ADAMTS17: variants seen among roughly 807,000 people sequenced by gnomAD.
ADAMTS17 encodes A disintegrin and metalloproteinase with thrombospondin motifs 17.
ADAMTS17 carries 113 observed loss-of-function variants against 141.5 expected under a neutral mutation model. That is an observed-to-expected ratio of 0.80 (90% CI 0.69 to 0.93). ADAMTS17 has a LOEUF of 0.93. Among genes scored for constraint, ADAMTS17 ranks in the 40% least tolerant of loss-of-function variants. The pLI is 0.00. For synonymous variants in ADAMTS17, 768 were observed against 630.6 expected (o/e 1.22, Z -3.27); for missense variants, 1,659 against 1,517.9 (o/e 1.09, Z -1.54).
chr15:100,326,169 T>C (rs1433893333), intron 3 of ADAMTS17, among the ~76,000 whole-genome samples: 2 of 152,176 alleles, frequency 1.3e-5, no homozygotes, highest in African/African-American at 4.8e-5. Context: ...TCTTAAACTA[T>C]TGATGTCTAC....
At chr15:100,244,662 T>C (rs1390371403) in intron 7 of ADAMTS17, among the ~76,000 whole-genome samples, 1 of 152,062 alleles carries the variant, frequency 6.6e-6, no homozygotes, top group Non-Finnish European at 1.5e-5. Flanking sequence ...CTGCAGGTGG[T>C]AAACAGGACC....
At position 99,972,056 on chromosome 15, in the gene ADAMTS17, C is replaced by T. The variant is rs999411534; in HGVS notation, c.*2346G>A. ...CATGAGGTCAGGAGATCGAGACCAT[C>T]CTGGCTAACATGGTGAAACCCCGTC... On this transcript the variant is annotated 3_prime_UTR_variant, in exon 22 of 22. Transcript: ENST00000268070. 4 of 152,350 alleles carry T rather than the reference C, an allele frequency of 2.6e-5. No homozygotes were observed. Among genetic ancestry groups the T allele is most frequent in the African/African-American group, 9.6e-5 (4 of 41,536 alleles). 9.4% of individuals were successfully genotyped at this position (152,350 alleles called of 1,614,324 possible).
chr15:99,987,237 C>T (rs146801732), intron 20 of ADAMTS17, among the ~76,000 whole-genome samples: 272 of 152,324 alleles, frequency 1.8e-3, no homozygotes, highest in African/African-American at 6.0e-3. Context: ...ATGGGGATAT[C>T]GAAGCTTCCA....
At position 100,110,466 on chromosome 15, in the gene ADAMTS17, G is replaced by A. The variant is rs112480318; in HGVS notation, c.1889-1350C>T. Reference sequence around the variant, plus strand: ...TTTTCAGTAGAGACACCGTTTCACCGTGTTAGCCAGGGTGGTCTCGATCTC... The same window carrying A: ...TTTTCAGTAGAGACACCGTTTCACCATGTTAGCCAGGGTGGTCTCGATCTC... On this transcript the variant is annotated intron_variant, in intron 13 of 21. Transcript: ENST00000268070. 3.7e-3 allele frequency among the ~76,000 whole-genome samples: 558 copies of A among 151,732 alleles called. 4 individuals carry two copies. Among genetic ancestry groups the A allele is most frequent in the African/African-American group, 0.013 (532 of 41,366 alleles).
At chr15:100,000,327 C>A (rs1446865012) in intron 18 of ADAMTS17, among the ~76,000 whole-genome samples, 1 of 152,270 alleles carries the variant, frequency 6.6e-6, no homozygotes, top group East Asian at 1.9e-4. Context: ...TTCTTTTGTT[C>A]CCCTTTAAGT....
chr15:100,159,886 A>G (rs2039609053), intron 8 of ADAMTS17, among the ~76,000 whole-genome samples: 1 of 152,216 alleles, frequency 6.6e-6, no homozygotes, highest in Admixed American at 6.5e-5. Flanking sequence ...CCTAAGAGAA[A>G]GGAACGTTTT....
At chr15:100,100,303 G>A (rs1364071316) in intron 14 of ADAMTS17, among the ~76,000 whole-genome samples, 2 of 151,996 alleles carry the variant, frequency 1.3e-5, no homozygotes, top group South Asian at 4.2e-4. Context: ...GCTCCCCCGG[G>A]GCTCCCTGCT....
chr15:100,008,611 G>C (rs2061088209), intron 18 of ADAMTS17, among the ~76,000 whole-genome samples: 2 of 152,232 alleles, frequency 1.3e-5, no homozygotes, highest in South Asian at 4.1e-4. Flanking sequence ...TGGGCTGGTG[G>C]ATTATGGCAT....
At chr15:100,074,890 ATACTT>A (rs916706309) in intron 15 of ADAMTS17, among the ~76,000 whole-genome samples, 4 of 152,224 alleles carry the variant, frequency 2.6e-5, no homozygotes, top group African/African-American at 7.2e-5. Context: ...AATTTCCTCT[ATACTT>A]TATTTCCCTA....
In ADAMTS17 at chr15:100,132,007, G is replaced by T. The variant is rs200960936; in HGVS notation, c.1721C>A (p.Pro574His). 6.2e-7 allele frequency: 1 copy of T among 1,614,172 alleles called. No individual in the cohort carries two copies. The highest frequency in any genetic ancestry group is 8.5e-7 in the Non-Finnish European group (1 of 1,180,036). ...GGGTATGGCTGGTCAGGGGACTTAC[G>T]GGGGGTTGTCACATTTCCTCTGCCT... ...RFRQRKCDNP[P>H]PGPGGTHCPG... Residue 574 changes from proline to histidine, a missense_variant and splice_region_variant, in exon 12 of 22, where the codon CCC becomes CAC. Coordinates refer to ENST00000268070, the MANE Select transcript of ADAMTS17 (RefSeq NM_139057.4).
chr15:100,292,482 G>A (rs946423179), intron 3 of ADAMTS17, among the ~76,000 whole-genome samples: 1 of 151,524 alleles, frequency 6.6e-6, no homozygotes, highest in East Asian at 2.0e-4. Flanking sequence ...CTCACCCCGT[G>A]TGAAATTATG....
At chr15:100,229,111 T>C (rs535345407) in intron 7 of ADAMTS17, among the ~76,000 whole-genome samples, 4 of 152,276 alleles carry the variant, frequency 2.6e-5, no homozygotes, top group South Asian at 2.1e-4. Context: ...GAGGGGAAGA[T>C]GGTTCTTATG....
intron 7 of ADAMTS17, among the ~76,000 whole-genome samples, chr15:100,214,439 AT>A (rs1466746446): frequency 2.0e-5 from 3 of 152,226 alleles, no homozygotes; most frequent in Non-Finnish European, 4.4e-5. Context: ...TGATTCATTC[AT>A]TATTCTAGTC....
Position 100,085,386 on chromosome 15 carries a change from CGA to C in ADAMTS17, c.2137+10968_2137+10969del, listed in dbSNP as rs2140964734. 2.2e-5 allele frequency among the ~76,000 whole-genome samples: 3 copies of C among 135,444 alleles called. No individual in the cohort carries two copies. In the South Asian group the frequency reaches 6.5e-4, roughly 29 times the overall value. 88.9% of individuals were successfully genotyped at this position (135,444 alleles called of 152,430 possible). ...ATCTGATTGGTGGACCTGAAAGTGA[CGA>C]GGAGAACGCAACCAAGTTGGAAAAC... On this transcript the variant is annotated intron_variant, in intron 15 of 21. Coordinates refer to ENST00000268070, the MANE Select transcript of ADAMTS17 (RefSeq NM_139057.4).
intron 7 of ADAMTS17, among the ~76,000 whole-genome samples, chr15:100,244,423 GTGTCCCCACCCAAATCTCATC>G (rs2042924992): frequency 6.8e-6 from 1 of 147,874 alleles, no homozygotes; most frequent in Admixed American, 6.7e-5. Flanking sequence ...CAGTTTGGCT[GTGTCCCCACCCAAATCTCATC>G]TAGCTCCAAT....
In ADAMTS17 at chr15:99,980,390, C is replaced by T. The variant is rs1446650326; in HGVS notation, c.2950-4168G>A. ...CGACCTGCAGGCAACACCAACATCC[C>T]TTTTCTCTTCAGATCTTTTCTCGGG... is the stretch of plus-strand genomic sequence containing the variant. On this transcript the variant is annotated intron_variant, in intron 20 of 21. Coordinates refer to ENST00000268070, the MANE Select transcript of ADAMTS17 (RefSeq NM_139057.4). The T allele has an allele frequency of 2.6e-5, 4 of 152,226 alleles. No homozygotes were observed. The East Asian group carries it at 7.7e-4, about 29-fold the overall frequency. 9.4% of individuals were successfully genotyped at this position (152,226 alleles called of 1,614,324 possible).
intron 3 of ADAMTS17, among the ~76,000 whole-genome samples, chr15:100,288,512 T>C (rs987002794): frequency 2.0e-5 from 3 of 152,218 alleles, no homozygotes; most frequent in Non-Finnish European, 2.9e-5. Flanking sequence ...CTTGACCAAA[T>C]GGATCTAACA....
At chr15:100,048,167 T>C (rs2031857361) in intron 18 of ADAMTS17, among the ~76,000 whole-genome samples, 1 of 152,122 alleles carries the variant, frequency 6.6e-6, no homozygotes, top group Admixed American at 6.5e-5. Flanking sequence ...ATGCCTCAAA[T>C]GATACACAGA....
Position 100,260,385 on chromosome 15 carries a change from G to A in ADAMTS17, c.1031+1094C>T, listed in dbSNP as rs374457290. Reference sequence around the variant, plus strand: ...TCCTAGCATTTTGGGAGGCCAAGGCGGGCAGATTACCTGAGGTCAGGGGTT... The same window carrying A: ...TCCTAGCATTTTGGGAGGCCAAGGCAGGCAGATTACCTGAGGTCAGGGGTT... On this transcript the variant is annotated intron_variant, in intron 6 of 21. Coordinates refer to ENST00000268070, the MANE Select transcript of ADAMTS17 (RefSeq NM_139057.4). Among the ~76,000 whole-genome samples, 409 of 152,106 alleles carry A rather than the reference G, an allele frequency of 2.7e-3. 2 individuals carry two copies. The Middle Eastern group carries it at 0.031, about 11-fold the overall frequency.
Sources: allele counts gnomAD v4.1 joint callset (sites outside exome capture counted in the v4.1 genomes callset), GRCh38; gene constraint gnomAD v4.1.1; transcripts MANE v1.5; gene names NCBI Gene and HGNC (gene_info 2026-07-23, HGNC 2026-07-21).